Variants in MAX observed in about 807,000 individuals in gnomAD.
MAX encodes the protein protein max.
MAX carries 3 observed loss-of-function variants against 22.3 expected under a neutral mutation model. The observed-to-expected ratio is 0.13, with a 90% CI of 0.06 to 0.35. The LOEUF is 0.35. Among genes scored for constraint, MAX ranks in the 10% least tolerant of loss-of-function variants. MAX has a pLI of 1.00. For missense variants in MAX, 119 were observed against 209.4 expected, an observed-to-expected ratio of 0.57 and a Z score of 2.66; for synonymous variants, 72 against 77.7, an observed-to-expected ratio of 0.93 and a Z score of 0.39.
rs554089319 is a variant in MAX, at chr14:65,101,328, TACTC to T, written c.63+214_63+217del. On this transcript the variant is annotated intron_variant, in intron 2 of 4. Transcript: ENST00000358664. ...TCAATTCTTTGCATACAGCTCCTCT[TACTC>T]ACCTAGAATCACTGAACTTATCACC... is the stretch of plus-strand genomic sequence containing the variant. 1.9e-3 allele frequency among the ~76,000 whole-genome samples: 289 copies of T among 152,306 alleles called. 2 individuals carry two copies. Among genetic ancestry groups the T allele is most frequent in the African/African-American group, 6.3e-3 (260 of 41,564 alleles).
At chr14:65,043,839 A>AAG (rs2062412210) in intron 3 of MAX, among the ~76,000 whole-genome samples, 2 of 82,296 alleles carry the variant, frequency 2.4e-5, no homozygotes, top group Non-Finnish European at 4.6e-5. Context: ...AAAAAAAAAA[A>AAG]AAAAAAAAAA....
intron 2 of MAX, among the ~76,000 whole-genome samples, chr14:65,100,311 G>A (rs747846384): frequency 6.6e-6 from 1 of 152,098 alleles, no homozygotes; most frequent in Non-Finnish European, 1.5e-5. Context: ...TTAGCTGGGT[G>A]TGGTGGCACG....
rs930320385 is a variant in MAX at position 65,044,859 on chromosome 14, C to G, written c.172-38575G>C. 6.4e-6 allele frequency: 1 copy of G among 157,470 alleles called. No individual in the cohort carries two copies. Among genetic ancestry groups the G allele is most frequent in the Non-Finnish European group, 1.4e-5 (1 of 73,830 alleles). 9.8% of individuals were successfully genotyped at this position (157,470 alleles called of 1,614,324 possible). Reference sequence around the variant, plus strand: ...GCAACAGCAACAGGAAAGGCAACTGCGTAAAGGGGTAGAGAACCAGAACCC... The same window carrying G: ...GCAACAGCAACAGGAAAGGCAACTGGGTAAAGGGGTAGAGAACCAGAACCC... On this transcript the variant is annotated intron_variant, in intron 3 of 3. Coordinates refer to the MAX transcript ENST00000341653. This position sits in a 1 kb window ranked among gnomAD's most constrained non-coding sequence, Gnocchi z 5.5.
At chr14:65,066,219 GTGCAGTGTGA>G (rs1043276573) in intron 3 of MAX, among the ~76,000 whole-genome samples, 3 of 152,252 alleles carry the variant, frequency 2.0e-5, no homozygotes, top group African/African-American at 7.2e-5. Flanking sequence ...GGCCACACCA[GTGCAGTGTGA>G]TGCCGTGTGG....
intron 3 of MAX, among the ~76,000 whole-genome samples, chr14:65,036,332 G>A (rs368203592): frequency 5.9e-4 from 90 of 151,780 alleles, no homozygotes; most frequent in African/African-American, 2.1e-3. Context: ...GACCTCCTGG[G>A]TTCAAGTGAT....
downstream of MAX, among the ~76,000 whole-genome samples, chr14:65,070,602 G>A (rs555118258): frequency 2.0e-5 from 3 of 152,314 alleles, no homozygotes; most frequent in South Asian, 6.2e-4. This position sits in a 1 kb window ranked among gnomAD's most constrained non-coding sequence, Gnocchi z 4.4. Context: ...TTCTAGACAC[G>A]CCCATCCTGC....
chr14:65,085,359 T>C (rs143780148), intron 3 of MAX, among the ~76,000 whole-genome samples: 2 of 152,350 alleles, frequency 1.3e-5, no homozygotes, highest in East Asian at 3.9e-4. Flanking sequence ...TTCATGTTTT[T>C]TCTTCTTCCC....
At position 65,019,105 on chromosome 14, in the gene MAX, G is replaced by A. The variant is rs192713846; in HGVS notation, c.172-12821C>T. ...GGAGACTCGCTTGAACCCGGGAGGCGGAGGTTGCGGTGAGCCAAGATTGCA... is the reference window on the plus strand; with the variant it reads ...GGAGACTCGCTTGAACCCGGGAGGCAGAGGTTGCGGTGAGCCAAGATTGCA... On this transcript the variant is annotated intron_variant, in intron 3 of 3. Transcript: ENST00000341653. 3.2e-4 allele frequency among the ~76,000 whole-genome samples: 48 copies of A among 152,120 alleles called. 3 individuals are homozygous for A. The East Asian group carries it at 8.1e-3, about 26-fold the overall frequency.
intron 3 of MAX, chr14:65,053,484 G>A: frequency 1.3e-6 from 1 of 754,614 alleles, no homozygotes; most frequent in Non-Finnish European, 1.8e-6. Flanking sequence ...TAGGTTGTAT[G>A]GGAAAAAGCA....
At position 65,032,287 on chromosome 14, in the gene MAX, A is replaced by C; in HGVS notation, c.172-26003T>G. On this transcript the variant is annotated intron_variant, in intron 3 of 3. Transcript: ENST00000341653. The surrounding 1 kb of genome is among the most constrained non-coding windows in gnomAD (Gnocchi z 5.0). ...ATACCATAGATTTATGGCAACCATT[A>C]TAGGTCTTTGAAAGAAGAGCTGAAT... The C allele has an allele frequency of 4.5e-6, 1 of 221,514 alleles. No individual in the cohort carries two copies. The highest frequency in any genetic ancestry group is 8.8e-6 in the Non-Finnish European group (1 of 113,018). 13.7% of individuals were successfully genotyped at this position (221,514 alleles called of 1,614,324 possible). A position where few individuals can be genotyped will look rare whatever the true frequency, so the allele number is the denominator to read the frequency against.
At chr14:65,042,197 G>A (rs2062368285) in intron 3 of MAX, among the ~76,000 whole-genome samples, 1 of 152,008 alleles carries the variant, frequency 6.6e-6, no homozygotes, top group South Asian at 2.1e-4. Flanking sequence ...TTGGGGGTGG[G>A]ACGGGGGGTG....
chr14:65,097,919 T>C (rs1281424643), intron 2 of MAX, among the ~76,000 whole-genome samples: 2 of 152,256 alleles, frequency 1.3e-5, no homozygotes, highest in Non-Finnish European at 2.9e-5. Context: ...GATTGCCTGG[T>C]ATACATTTCC....
At chr14:65,098,983 C>G (rs190144254) in intron 2 of MAX, among the ~76,000 whole-genome samples, 19 of 152,260 alleles carry the variant, frequency 1.2e-4, no homozygotes, top group African/African-American at 4.6e-4. Context: ...TTTTCAACAT[C>G]TTCTGTAGTC....
At chr14:65,101,448 A>C (rs1271454223) in intron 2 of MAX, 98 bp downstream of exon 2, 4 of 1,123,442 alleles carry the variant, frequency 3.6e-6, no homozygotes, top group Non-Finnish European at 5.3e-6. Context: ...AGTTTACTAC[A>C]ATATTAAAAG....
At chr14:65,070,904 C>T (rs564107430), downstream of MAX, among the ~76,000 whole-genome samples, 9 of 152,332 alleles carry the variant, frequency 5.9e-5, no homozygotes, top group East Asian at 1.5e-3. The surrounding 1 kb of genome is among the most constrained non-coding windows in gnomAD (Gnocchi z 4.4). Context: ...AAGAACAGGG[C>T]AAAGTCGCCA....
At chr14:65,068,173 G>T (rs1463276836) in intron 3 of MAX, among the ~76,000 whole-genome samples, 4 of 152,046 alleles carry the variant, frequency 2.6e-5, no homozygotes, top group Admixed American at 1.3e-4. Context: ...GGTGGCTCAC[G>T]CCTGTAATCC....
At chr14:65,102,528 A>T, upstream of MAX, 3 of 1,452,206 alleles carry the variant, frequency 2.1e-6, no homozygotes, top group Non-Finnish European at 2.7e-6. Flanking sequence ...GCAGCACCGG[A>T]TCAACGGCGG....
intron 3 of MAX, among the ~76,000 whole-genome samples, chr14:65,026,484 T>TA (rs771936288): frequency 4.2e-4 from 64 of 152,168 alleles, no homozygotes; most frequent in Non-Finnish European, 7.9e-4. Flanking sequence ...CAGCTCCTCT[T>TA]ATGTTTACCG....
At chr14:65,026,902 G>C (rs1270393641) in intron 3 of MAX, among the ~76,000 whole-genome samples, 1 of 152,082 alleles carries the variant, frequency 6.6e-6, no homozygotes, top group Non-Finnish European at 1.5e-5. Flanking sequence ...TCTTACTGGT[G>C]GAGTAGAAAT....
Sources: allele counts gnomAD v4.1 joint callset (sites outside exome capture counted in the v4.1 genomes callset), GRCh38; gene constraint gnomAD v4.1.1; non-coding constraint Gnocchi (gnomAD v3.1); transcripts MANE v1.5; gene names NCBI Gene and HGNC (gene_info 2026-07-23, HGNC 2026-07-21).